The following RTN4IP1 variants were observed in gnomAD, a reference collection of about 807,000 sequenced individuals.
RTN4IP1 encodes the protein reticulon 4 interacting protein 1.
A neutral mutation model predicts 46.6 loss-of-function variants in RTN4IP1; 32 were observed. The ratio of observed to expected loss-of-function variants is 0.69; its 90% CI spans 0.52 to 0.92. The LOEUF (loss-of-function observed/expected upper bound fraction) is 0.92. Among genes scored for constraint, RTN4IP1 ranks in the 40% least tolerant of loss-of-function variants. The pLI, the probability that RTN4IP1 is intolerant of heterozygous loss-of-function variation, is 0.00. For missense variants in RTN4IP1, 424 were observed against 485.8 expected (o/e 0.87, Z 1.20); for synonymous variants, 167 against 161.8 (o/e 1.03, Z -0.24).
rs772458877 is a variant in RTN4IP1, at chr6:106,622,872, A to G, written c.372T>C (p.Ser124=). The change falls in exon 2 of 9, where the codon TCT becomes TCC. Residue 124 remains serine, a synonymous_variant. Transcript: ENST00000369063. ...EFPLTLGRDV[S]GVVMECGLDV... ...CAAGCCCACATTCCATCACCACGCC[A>G]GAGACATCCCGACCCAGAGTCAGAG... 4 of 1,614,180 alleles carry G rather than the reference A, an allele frequency of 2.5e-6. No homozygotes were observed. In the South Asian group the frequency reaches 4.4e-5, roughly 18 times the overall value.
At position 106,616,345 on chromosome 6, in the gene RTN4IP1, G is replaced by C. The variant is rs758608331; in HGVS notation, c.620+2857C>G. Among the ~76,000 whole-genome samples the C allele has an allele frequency of 1.2e-3, 182 of 152,256 alleles. 1 individual carries two copies. Among genetic ancestry groups the C allele is most frequent in the Non-Finnish European group, 3.7e-4 (25 of 68,006 alleles). On this transcript the variant is annotated intron_variant, in intron 4 of 8. Coordinates refer to ENST00000369063, the MANE Select transcript of RTN4IP1 (RefSeq NM_032730.5). Reference sequence around the variant, plus strand: ...AGAAAAGTAACTACAGAACAAAGGGGGAAAAAGGTAAACATCATTGAACCC... The same window carrying C: ...AGAAAAGTAACTACAGAACAAAGGGCGAAAAAGGTAAACATCATTGAACCC...
intron 8 of RTN4IP1, among the ~76,000 whole-genome samples, chr6:106,581,639 C>T (rs533018778): frequency 6.6e-6 from 1 of 152,338 alleles, no homozygotes; most frequent in East Asian, 1.9e-4. Context: ...CATTTGCTCA[C>T]TCAACCTCCT....
At position 106,619,374 on chromosome 6, in the gene RTN4IP1, A is replaced by G. The variant is rs112335772; in HGVS notation, c.496-48T>C. 8.4e-5 allele frequency: 135 copies of G among 1,610,114 alleles called. No homozygotes were observed. The African/African-American group carries it at 1.5e-3, about 18-fold the overall frequency. On this transcript the variant is annotated intron_variant, in intron 3 of 8. Transcript: ENST00000369063. ...AAAATAAGCAATGACTTGCAAACCT[A>G]TGAACACAATTAAGCACATTTACCT... is the stretch of plus-strand genomic sequence containing the variant.
intron 8 of RTN4IP1, 173 bp from the exon 9 acceptor site, chr6:106,572,276 G>T (rs1162415741): frequency 4.2e-5 from 25 of 599,472 alleles, no homozygotes; most frequent in Non-Finnish European, 6.0e-5. Context: ...CTCCACTCCT[G>T]CCTCACTGCT....
At chr6:106,629,604 A>G (rs1776761482), upstream of RTN4IP1, 2 of 1,531,022 alleles carry the variant, frequency 1.3e-6, no homozygotes, top group African/African-American at 1.4e-5. Context: ...GGCTGCGCCC[A>G]TGTAACATCA....
At chr6:106,607,840 T>G (rs1371293069) in intron 4 of RTN4IP1, 1 of 151,984 alleles carries the variant, frequency 6.6e-6, no homozygotes, top group African/African-American at 2.4e-5. Context: ...AAAAAATAAA[T>G]ATTGGAAAAG....
At chr6:106,621,334 TA>T in intron 3 of RTN4IP1, 90 bp downstream of exon 3, 1 of 971,726 alleles carries the variant, frequency 1.0e-6, no homozygotes, top group Non-Finnish European at 1.6e-6. Flanking sequence ...CCATCAAACA[TA>T]AACTAGATCT....
Position 106,571,631 on chromosome 6 carries a change from C to T in RTN4IP1, c.*365G>A, listed in dbSNP as rs774305095. On this transcript the variant is annotated 3_prime_UTR_variant, in exon 9 of 9. Transcript: ENST00000369063. ...GGAGAATCGCTTAAGGTCAAGGCTG[C>T]AGTGAGCTGTGATTGTGCCACTGCA... The T allele has an allele frequency of 5.9e-5, 12 of 202,094 alleles. No individual in the cohort carries two copies. Among genetic ancestry groups the T allele is most frequent in the Non-Finnish European group, 1.2e-4 (12 of 98,298 alleles). 12.5% of individuals were successfully genotyped at this position (202,094 alleles called of 1,614,324 possible). A position where few individuals can be genotyped will look rare whatever the true frequency, so the allele number is the denominator to read the frequency against.
intron 6 of RTN4IP1, among the ~76,000 whole-genome samples, chr6:106,588,965 C>A: frequency 6.6e-6 from 1 of 150,902 alleles, no homozygotes; most frequent in Non-Finnish European, 1.5e-5. Context: ...GCAAAATTAG[C>A]CAGATGTGGT....
chr6:106,586,172 G>T (rs887471439), intron 7 of RTN4IP1, among the ~76,000 whole-genome samples: 1 of 152,124 alleles, frequency 6.6e-6, no homozygotes, highest in Non-Finnish European at 1.5e-5. Flanking sequence ...AGAGACCAAA[G>T]TCCTAAGTTT....
At chr6:106,590,711 T>A (rs1436654108) in intron 6 of RTN4IP1, among the ~76,000 whole-genome samples, 1 of 8,868 alleles carries the variant, frequency 1.1e-4, no homozygotes, top group Admixed American at 1.0e-3. Flanking sequence ...TGAGAATCCA[T>A]CTCAAAAAAA....
chr6:106,603,658 T>A (rs1165636399), intron 4 of RTN4IP1, among the ~76,000 whole-genome samples: 1 of 152,220 alleles, frequency 6.6e-6, no homozygotes, highest in African/African-American at 2.4e-5. Flanking sequence ...ATGATGCATA[T>A]GCTTATTGAC....
At chr6:106,581,876 C>T (rs548655018) in intron 8 of RTN4IP1, among the ~76,000 whole-genome samples, 3 of 152,180 alleles carry the variant, frequency 2.0e-5, no homozygotes, top group African/African-American at 7.2e-5. Context: ...CAAGCACAAT[C>T]GTGGACTTCT....
intron 8 of RTN4IP1, among the ~76,000 whole-genome samples, chr6:106,574,260 A>G (rs1288296110): frequency 6.6e-6 from 1 of 151,992 alleles, no homozygotes; most frequent in Non-Finnish European, 1.5e-5. Context: ...CCTGGCCAAC[A>G]TGGTGAAACC....
chr6:106,624,697 C>T (rs1051938662), intron 1 of RTN4IP1, among the ~76,000 whole-genome samples: 24 of 150,084 alleles, frequency 1.6e-4, no homozygotes, highest in African/African-American at 5.6e-4. Context: ...TCTGTAATCC[C>T]AGGACTTTGG....
intron 6 of RTN4IP1, among the ~76,000 whole-genome samples, chr6:106,589,178 GGA>G (rs1775564877): frequency 5.6e-5 from 1 of 17,930 alleles, no homozygotes; most frequent in Non-Finnish European, 1.4e-4. Context: ...CGGTGGAGGA[GGA>G]GGAGGAGGGA....
Position 106,623,434 on chromosome 6 carries a change from G to A in RTN4IP1, c.275-465C>T, listed in dbSNP as rs79404287. Among the ~76,000 whole-genome samples, 849 of 152,256 alleles carry A rather than the reference G, an allele frequency of 5.6e-3. 4 individuals carry two copies. Among genetic ancestry groups the A allele is most frequent in the African/African-American group, 0.019 (800 of 41,554 alleles). ...GAGGATCAAGAAAAATAACTAGTGG[G>A]TATGAGACTTAATACTTGGGAGATG... On this transcript the variant is annotated intron_variant, in intron 1 of 8. Transcript: ENST00000369063.
intron 5 of RTN4IP1, among the ~76,000 whole-genome samples, chr6:106,597,233 T>C (rs1157649070): frequency 6.6e-6 from 1 of 152,244 alleles, no homozygotes; most frequent in Non-Finnish European, 1.5e-5. Context: ...AATTATTGTT[T>C]TAATATGGGT....
At chr6:106,591,176 AT>A (rs942397570) in intron 6 of RTN4IP1, among the ~76,000 whole-genome samples, 1 of 151,728 alleles carries the variant, frequency 6.6e-6, no homozygotes, top group Non-Finnish European at 1.5e-5. Context: ...ATTCCCTTTC[AT>A]TTTTTTTCAG....
Sources: gnomAD v4.1 joint callset for allele counts (sites outside exome capture counted in the v4.1 genomes callset) on GRCh38, gnomAD v4.1.1 for gene constraint, MANE v1.5 for transcripts, NCBI Gene and HGNC (gene_info 2026-07-23, HGNC 2026-07-21) for gene names.